Variants in NTM observed in about 807,000 individuals in gnomAD.
The protein encoded by NTM is neurotrimin.
A neutral mutation model predicts 42.1 loss-of-function variants in NTM; 13 were observed. The ratio of observed to expected loss-of-function variants is 0.31; its 90% CI spans 0.20 to 0.49. The LOEUF (loss-of-function observed/expected upper bound fraction) is 0.49. Ranked by LOEUF, NTM falls within the 20% of genes least tolerant of loss-of-function variation. The pLI, the probability that NTM is intolerant of heterozygous loss-of-function variation, is 0.99. For missense variants in NTM, 373 were observed against 452.8 expected, an observed-to-expected ratio of 0.82 and a Z score of 1.60; for synonymous variants, 187 against 179.2, an observed-to-expected ratio of 1.04 and a Z score of -0.35.
chr11:131,654,974 A>G (rs73592243), intron 1 of NTM, among the ~76,000 whole-genome samples: 1,624 of 152,284 alleles, frequency 0.011, 22 homozygotes, highest in African/African-American at 0.035. Context: ...CTCAGGCCAC[A>G]TGCACATGTA....
chr11:131,527,799 G>C (rs985518069), intron 1 of NTM, among the ~76,000 whole-genome samples: 1 of 152,118 alleles, frequency 6.6e-6, no homozygotes, highest in East Asian at 1.9e-4. Flanking sequence ...TGGACTAGAC[G>C]GTCTCTGAAT....
intron 1 of NTM, among the ~76,000 whole-genome samples, chr11:131,516,295 C>A (rs749877741): frequency 6.6e-6 from 1 of 152,148 alleles, no homozygotes; most frequent in Non-Finnish European, 1.5e-5. Context: ...AATTCAGGGG[C>A]GTGTAGTACA....
intron 1 of NTM, among the ~76,000 whole-genome samples, chr11:131,706,332 C>T (rs777280458): frequency 6.6e-6 from 1 of 151,830 alleles, no homozygotes; most frequent in Non-Finnish European, 1.5e-5. Flanking sequence ...CACCTAGATA[C>T]ATAAACATTA....
intron 1 of NTM, among the ~76,000 whole-genome samples, chr11:131,733,563 G>A (rs926079269): frequency 1.5e-4 from 21 of 143,944 alleles, no homozygotes. Context: ...AGTCTCACTC[G>A]GTCACCCAGG....
At chr11:132,224,395 G>A (rs903636926) in intron 4 of NTM, among the ~76,000 whole-genome samples, 3 of 152,054 alleles carry the variant, frequency 2.0e-5, no homozygotes, top group Non-Finnish European at 2.9e-5. Flanking sequence ...TTGGCCAGAA[G>A]GGGGAAATTC....
chr11:132,058,213 C>T (rs1444470491), intron 2 of NTM, among the ~76,000 whole-genome samples: 2 of 152,148 alleles, frequency 1.3e-5, no homozygotes, highest in Non-Finnish European at 2.9e-5. Flanking sequence ...GACCATTTGT[C>T]TGCTTGTTGC....
chr11:132,301,612 T>C (rs1015988057), intron 4 of NTM, among the ~76,000 whole-genome samples: 6 of 152,156 alleles, frequency 3.9e-5, no homozygotes, highest in Admixed American at 2.6e-4. Context: ...GCCATCATAA[T>C]GGCACTGGGG....
intron 1 of NTM, among the ~76,000 whole-genome samples, chr11:131,549,191 C>T (rs2054323043): frequency 6.6e-6 from 1 of 152,128 alleles, no homozygotes; most frequent in Admixed American, 6.6e-5. Flanking sequence ...CCTCAGATCC[C>T]ATTCTGGAGT....
chr11:131,752,429 A>G (rs1048019385), intron 1 of NTM, among the ~76,000 whole-genome samples: 2 of 152,244 alleles, frequency 1.3e-5, no homozygotes, highest in African/African-American at 4.8e-5. Flanking sequence ...GAACACTTTT[A>G]CATCGCTGGT....
At chr11:131,670,730 C>T (rs1187272235) in intron 1 of NTM, among the ~76,000 whole-genome samples, 1 of 152,198 alleles carries the variant, frequency 6.6e-6, no homozygotes, top group East Asian at 1.9e-4. Context: ...CCCACTGGGT[C>T]AGGGAGGTTC....
At chr11:131,834,194 C>T (rs1250379761) in intron 1 of NTM, among the ~76,000 whole-genome samples, 1 of 152,146 alleles carries the variant, frequency 6.6e-6, no homozygotes, top group Non-Finnish European at 1.5e-5. Flanking sequence ...AGGCTCAGGG[C>T]CCACCACACT....
chr11:132,223,849 CAG>C (rs1243628685), intron 4 of NTM, among the ~76,000 whole-genome samples: 1 of 151,990 alleles, frequency 6.6e-6, no homozygotes, highest in Non-Finnish European at 1.5e-5. Context: ...ATGGCTAAGA[CAG>C]AGGGGAAGGC....
At chr11:131,446,282 C>G (rs1275405793) in intron 1 of NTM, among the ~76,000 whole-genome samples, 2 of 152,176 alleles carry the variant, frequency 1.3e-5, no homozygotes, top group Admixed American at 6.5e-5. Flanking sequence ...TAGGAGAGAA[C>G]TTCCCAGGCC....
At position 131,798,079 on chromosome 11, in the gene NTM, G is replaced by T. The variant is rs111608439; in HGVS notation, c.83-113485G>T. Among the ~76,000 whole-genome samples the T allele has an allele frequency of 2.2e-3, 328 of 152,216 alleles. 4 individuals are homozygous for T. The highest frequency in any genetic ancestry group is 6.9e-3 in the African/African-American group (286 of 41,536). On this transcript the variant is annotated intron_variant, in intron 1 of 8. Coordinates refer to ENST00000683400, the MANE Select transcript of NTM (RefSeq NM_001352005.2). ...GTTCGACTGCCCAAGGTTGGCAGCT[G>T]GGCAGAAAAAAAATTAGCCAAGCAT...
chr11:132,127,448 C>T (rs374024311), intron 2 of NTM, among the ~76,000 whole-genome samples: 1 of 152,218 alleles, frequency 6.6e-6, no homozygotes, highest in Admixed American at 6.5e-5. Context: ...GACCTTCTGA[C>T]GGATGGGGAG....
At chr11:131,902,242 T>G (rs1294679987) in intron 1 of NTM, among the ~76,000 whole-genome samples, 1 of 152,236 alleles carries the variant, frequency 6.6e-6, no homozygotes, top group Non-Finnish European at 1.5e-5. Context: ...GGTATTAGTT[T>G]AGCTAGAAAT....
chr11:131,469,859 T>C (rs184717833), intron 1 of NTM, among the ~76,000 whole-genome samples: 10 of 152,354 alleles, frequency 6.6e-5, no homozygotes, highest in Admixed American at 2.6e-4. Context: ...TATCACTATA[T>C]AGATTTTGTC....
At chr11:132,061,773 TTG>T (rs1248318104) in intron 2 of NTM, among the ~76,000 whole-genome samples, 1 of 152,136 alleles carries the variant, frequency 6.6e-6, no homozygotes, top group Non-Finnish European at 1.5e-5. Context: ...TCTTCTGTAT[TTG>T]TGTGGCAGGA....
At chr11:131,812,855 G>A (rs2092795508) in intron 1 of NTM, among the ~76,000 whole-genome samples, 1 of 152,218 alleles carries the variant, frequency 6.6e-6, no homozygotes, top group Non-Finnish European at 1.5e-5. Context: ...AAGGGCCTGT[G>A]AGGAGCTTGA....
Sources: allele counts gnomAD v4.1 joint callset (sites outside exome capture counted in the v4.1 genomes callset), GRCh38; gene constraint gnomAD v4.1.1; transcripts MANE v1.5; gene names NCBI Gene and HGNC (gene_info 2026-07-23, HGNC 2026-07-21).